Variants in EIPR1 observed in about 807,000 individuals in gnomAD.
The protein encoded by EIPR1 is EARP complex and GARP complex interacting protein 1, also known as EARP and GARP complex-interacting protein 1.
A neutral mutation model predicts 48.1 loss-of-function variants in EIPR1; 25 were observed. That is an observed-to-expected ratio of 0.52 (90% CI 0.38 to 0.73). The LOEUF (loss-of-function observed/expected upper bound fraction) is 0.73, where lower values mean the gene tolerates loss of function less well. Ranked by LOEUF, EIPR1 falls within the 30% of genes least tolerant of loss-of-function variation. The pLI is 0.00. For missense variants in EIPR1, 415 were observed against 506.2 expected (o/e 0.82, Z 1.73); for synonymous variants, 204 against 201.9 (o/e 1.01, Z -0.09).
At chr2:3,219,976 T>G (rs1376047186) in intron 4 of EIPR1, among the ~76,000 whole-genome samples, 2 of 152,218 alleles carry the variant, frequency 1.3e-5, no homozygotes, top group Admixed American at 1.3e-4. Flanking sequence ...CAGCCTGAGC[T>G]CTGTCTCCTG....
chr2:3,190,866 C>G (rs374479401), intron 8 of EIPR1, among the ~76,000 whole-genome samples: 2 of 152,216 alleles, frequency 1.3e-5, no homozygotes, highest in East Asian at 3.8e-4. Flanking sequence ...CTTTGGGAGG[C>G]TGAAGTGGGC....
intron 3 of EIPR1, among the ~76,000 whole-genome samples, chr2:3,276,362 T>A (rs572471927): frequency 1.3e-5 from 2 of 152,382 alleles, no homozygotes; most frequent in African/African-American, 4.8e-5. Flanking sequence ...AATACTTTTA[T>A]CCACAGCTCT....
At chr2:3,198,565 G>C (rs1664890515) in intron 5 of EIPR1, among the ~76,000 whole-genome samples, 1 of 152,134 alleles carries the variant, frequency 6.6e-6, no homozygotes, top group Non-Finnish European at 1.5e-5. Context: ...ATTCAACGTA[G>C]GTTCTTTTCT....
intron 4 of EIPR1, among the ~76,000 whole-genome samples, chr2:3,252,214 AG>A (rs1234339025): frequency 1.3e-5 from 2 of 152,204 alleles, no homozygotes; most frequent in Non-Finnish European, 2.9e-5. Context: ...GCTTCTGCAG[AG>A]GCTCAGCGTC....
chr2:3,194,055 G>T lies in EIPR1; in HGVS notation c.765C>A (p.Phe255Leu), dbSNP rs759636056. The T allele has an allele frequency of 1.2e-6, 2 of 1,613,910 alleles. No homozygotes were observed. The highest frequency in any genetic ancestry group is 2.2e-5 in the South Asian group (2 of 91,076). Residue 255 changes from phenylalanine to leucine, a missense_variant, in exon 7 of 9, where the codon TTC becomes TTA. By Grantham distance (22) the Phe-to-Leu change is conservative. Coordinates refer to ENST00000382125, the MANE Select transcript of EIPR1 (RefSeq NM_003310.5). ...ASCGDDCKVK[F>L]WDTRNVTEPV... Reference sequence around the variant, plus strand: ...GTTCGGTGACATTTCGGGTGTCCCAGAACTTCACCTTACAGTCGTCTCCGC... The same window carrying T: ...GTTCGGTGACATTTCGGGTGTCCCATAACTTCACCTTACAGTCGTCTCCGC...
intron 3 of EIPR1, among the ~76,000 whole-genome samples, chr2:3,317,367 G>A (rs541609284): frequency 2.0e-5 from 3 of 150,662 alleles, no homozygotes; most frequent in Non-Finnish European, 3.0e-5. Context: ...CCCCAGGAGC[G>A]CACAAGGTGC....
intron 1 of EIPR1, among the ~76,000 whole-genome samples, chr2:3,364,307 T>A (rs1431070542): frequency 6.6e-6 from 1 of 152,108 alleles, no homozygotes; most frequent in Non-Finnish European, 1.5e-5. Flanking sequence ...GTGCTATACA[T>A]ACACAGTGAA....
chr2:3,349,611 G>A (rs1038755786), intron 2 of EIPR1, among the ~76,000 whole-genome samples: 24 of 151,568 alleles, frequency 1.6e-4, no homozygotes, highest in African/African-American at 5.6e-4. Flanking sequence ...GGACAGGGAG[G>A]ACGCCGGGAG....
chr2:3,356,978 G>C (rs1266280942), intron 1 of EIPR1, among the ~76,000 whole-genome samples: 1 of 152,188 alleles, frequency 6.6e-6, no homozygotes, highest in Non-Finnish European at 1.5e-5. Flanking sequence ...GTTGCTTTTT[G>C]CAACTAATCA....
intron 5 of EIPR1, among the ~76,000 whole-genome samples, chr2:3,213,403 T>G (rs1436627437): frequency 1.3e-5 from 2 of 152,198 alleles, no homozygotes; most frequent in African/African-American, 4.8e-5. Context: ...ATTCAAACGA[T>G]GCATATTTAA....
At chr2:3,294,817 A>ATG (rs1313997566) in intron 3 of EIPR1, among the ~76,000 whole-genome samples, 9 of 143,388 alleles carry the variant, frequency 6.3e-5, no homozygotes, top group Admixed American at 6.9e-5. Flanking sequence ...TCCTCTCTCC[A>ATG]CACACCCTCC....
intron 3 of EIPR1, among the ~76,000 whole-genome samples, chr2:3,277,927 G>A (rs1264399324): frequency 6.6e-6 from 1 of 152,162 alleles, no homozygotes. Flanking sequence ...CCGTCCCTGC[G>A]TTCTCCAGCC....
chr2:3,222,808 G>A (rs553350144), intron 4 of EIPR1, among the ~76,000 whole-genome samples: 11 of 152,300 alleles, frequency 7.2e-5, no homozygotes, highest in African/African-American at 2.6e-4. Context: ...AGACCAGATC[G>A]AGATATCATC....
At chr2:3,234,801 C>G (rs1393650482) in intron 4 of EIPR1, among the ~76,000 whole-genome samples, 1 of 152,196 alleles carries the variant, frequency 6.6e-6, no homozygotes, top group Non-Finnish European at 1.5e-5. Flanking sequence ...CACAAGAGAC[C>G]TGCTCTCTTG....
At chr2:3,238,376 G>A (rs572807017) in intron 4 of EIPR1, among the ~76,000 whole-genome samples, 5 of 152,330 alleles carry the variant, frequency 3.3e-5, no homozygotes, top group Admixed American at 1.3e-4. Context: ...CTCCAGAGCC[G>A]CGGGAGGTCC....
At chr2:3,209,004 G>A in intron 5 of EIPR1, 2 of 1,455,294 alleles carry the variant, frequency 1.4e-6, no homozygotes, top group Non-Finnish European at 1.8e-6. Context: ...GTCGCCAGAA[G>A]CGGGAACAAT....
intron 3 of EIPR1, among the ~76,000 whole-genome samples, chr2:3,331,186 CAT>C (rs67997133): frequency 4.4e-5 from 5 of 113,214 alleles, no homozygotes; most frequent in African/African-American, 1.8e-4. Flanking sequence ...GGTGTACACT[CAT>C]ATGGTGTGAG....
intron 1 of EIPR1, among the ~76,000 whole-genome samples, chr2:3,365,963 T>TG (rs982780767): frequency 1.9e-4 from 8 of 42,566 alleles, no homozygotes; most frequent in African/African-American, 4.2e-4. Context: ...GGGAGGGAGG[T>TG]GGGGGGGTCA....
At chr2:3,255,779 G>T (rs1277640030) in intron 4 of EIPR1, among the ~76,000 whole-genome samples, 1 of 152,190 alleles carries the variant, frequency 6.6e-6, no homozygotes, top group Non-Finnish European at 1.5e-5. Flanking sequence ...CCTGGTGCCG[G>T]TGTCTCCTGC....
Sources: gnomAD v4.1 joint callset for allele counts (sites outside exome capture counted in the v4.1 genomes callset) on GRCh38, gnomAD v4.1.1 for gene constraint, MANE v1.5 for transcripts, NCBI Gene and HGNC (gene_info 2026-07-23, HGNC 2026-07-21) for gene names.